The following THEMIS variants were observed in gnomAD, a reference collection of about 807,000 sequenced individuals.
THEMIS encodes the protein protein THEMIS.
In THEMIS, 37 loss-of-function variants were observed where a neutral mutation model predicts 52.6. The observed-to-expected ratio is 0.70, with a 90% CI of 0.54 to 0.93. The LOEUF (loss-of-function observed/expected upper bound fraction) is 0.93, where lower values mean the gene tolerates loss of function less well. Ranked by LOEUF, THEMIS falls within the 40% of genes least tolerant of loss-of-function variation. The pLI, the probability that THEMIS is intolerant of heterozygous loss-of-function variation, is 0.00. For missense variants in THEMIS, 808 were observed against 763.1 expected, an observed-to-expected ratio of 1.06 and a Z score of -0.69; for synonymous variants, 292 against 272.7, an observed-to-expected ratio of 1.07 and a Z score of -0.70.
chr6:127,911,289 G>T (rs1396603709), intron 1 of THEMIS, among the ~76,000 whole-genome samples: 1 of 151,070 alleles, frequency 6.6e-6, no homozygotes, highest in Non-Finnish European at 1.5e-5. Flanking sequence ...CTCCTTGAGG[G>T]AGGAATATCT....
chr6:127,715,655 C>T (rs1306439880), intron 5 of THEMIS, among the ~76,000 whole-genome samples: 1 of 151,896 alleles, frequency 6.6e-6, no homozygotes. Flanking sequence ...TATTCTCTAG[C>T]TTCCACCTTG....
intron 3 of THEMIS, among the ~76,000 whole-genome samples, chr6:127,820,998 C>T (rs1377262077): frequency 6.6e-6 from 1 of 151,836 alleles, no homozygotes; most frequent in Non-Finnish European, 1.5e-5. Context: ...GACACCAACA[C>T]TTATAGTGTT....
Position 127,813,145 on chromosome 6 carries a change from G to T in THEMIS, c.1496C>A (p.Thr499Lys), listed in dbSNP as rs1777978403. 6.2e-7 allele frequency: 1 copy of T among 1,614,056 alleles called. No individual in the cohort carries two copies. The highest frequency in any genetic ancestry group is 1.3e-5 in the African/African-American group (1 of 74,986). ...YLLISDFANP[T>K]ECWEIPVGRL... is the part of the protein sequence containing the mutation. Reference sequence around the variant, plus strand: ...GCCCACAGGAATTTCCCAGCACTCCGTGGGGTTGGCAAAGTCACTTATGAG... The same window carrying T: ...GCCCACAGGAATTTCCCAGCACTCCTTGGGGTTGGCAAAGTCACTTATGAG... Residue 499 changes from threonine (T) to lysine (K), a missense_variant, in exon 4 of 6, where the codon ACG becomes AAG. Physicochemically the swap from Thr to Lys is moderately conservative, Grantham distance 78 (BLOSUM62 -1). Transcript: ENST00000368248.
At chr6:127,703,959 A>G (rs1204163593), downstream of THEMIS, among the ~76,000 whole-genome samples, 2 of 152,184 alleles carry the variant, frequency 1.3e-5, no homozygotes, top group Admixed American at 1.3e-4. Flanking sequence ...TGTTTCAAAG[A>G]TGGCACCTCT....
At chr6:127,814,744 C>T (rs543865292) in intron 3 of THEMIS, among the ~76,000 whole-genome samples, 130 of 152,290 alleles carry the variant, frequency 8.5e-4, no homozygotes, top group African/African-American at 3.0e-3. Flanking sequence ...CAATCATCCA[C>T]TGTCTCACGA....
intron 5 of THEMIS, among the ~76,000 whole-genome samples, chr6:127,716,378 C>G (rs534812742): frequency 6.6e-6 from 1 of 151,990 alleles, no homozygotes; most frequent in African/African-American, 2.4e-5. Flanking sequence ...TAATCATCCT[C>G]TTGTACCAAA....
At chr6:127,805,962 AT>A (rs530195408) in intron 4 of THEMIS, among the ~76,000 whole-genome samples, 55 of 148,172 alleles carry the variant, frequency 3.7e-4, no homozygotes, top group South Asian at 6.4e-4. Flanking sequence ...TGCTCTTTTG[AT>A]TTTTTTTTTT....
upstream of THEMIS, among the ~76,000 whole-genome samples, chr6:127,904,627 G>T (rs1296496448): frequency 6.6e-6 from 1 of 152,026 alleles, no homozygotes; most frequent in East Asian, 1.9e-4. Context: ...AGTATGAAAT[G>T]AATGGGAATG....
At chr6:127,722,637 G>A (rs1717358588) in intron 4 of THEMIS, among the ~76,000 whole-genome samples, 1 of 151,886 alleles carries the variant, frequency 6.6e-6, no homozygotes, top group South Asian at 2.1e-4. Flanking sequence ...GATACTGCCT[G>A]CTTATTCTTC....
intron 4 of THEMIS, among the ~76,000 whole-genome samples, chr6:127,741,768 C>G (rs1030885583): frequency 6.6e-6 from 1 of 152,134 alleles, no homozygotes; most frequent in Non-Finnish European, 1.5e-5. Context: ...AATAATGGGT[C>G]AAGGTTACAT....
chr6:127,754,221 A>C (rs1373021456), intron 4 of THEMIS, among the ~76,000 whole-genome samples: 1 of 152,194 alleles, frequency 6.6e-6, no homozygotes, highest in Non-Finnish European at 1.5e-5. Flanking sequence ...GGGCTTTTGG[A>C]GACTTTTTCT....
intron 5 of THEMIS, among the ~76,000 whole-genome samples, chr6:127,715,421 T>C (rs1029620664): frequency 9.2e-5 from 14 of 151,930 alleles, no homozygotes; most frequent in Non-Finnish European, 1.9e-4. Flanking sequence ...TGTTTCTTCA[T>C]TAAAATTAAG....
At chr6:127,789,890 G>A (rs1304796514) in intron 4 of THEMIS, among the ~76,000 whole-genome samples, 2 of 152,078 alleles carry the variant, frequency 1.3e-5, no homozygotes, top group African/African-American at 4.8e-5. Flanking sequence ...AATAATAAGA[G>A]CCATTTATGA....
intron 4 of THEMIS, among the ~76,000 whole-genome samples, chr6:127,756,446 G>C (rs911537678): frequency 3.9e-5 from 6 of 152,150 alleles, no homozygotes; most frequent in Middle Eastern, 3.4e-3. Context: ...ACTTTTGATA[G>C]GATAATAATA....
chr6:127,888,758 G>T (rs1187810998), intron 1 of THEMIS, among the ~76,000 whole-genome samples: 1 of 151,998 alleles, frequency 6.6e-6, no homozygotes, highest in East Asian at 1.9e-4. Flanking sequence ...GTCAACAGGG[G>T]TAAATGGTAA....
Position 127,708,356 on chromosome 6 carries a change from T to A in THEMIS, c.*1629A>T, listed in dbSNP as rs1773860324. The A allele has an allele frequency of 6.6e-6, 1 of 152,164 alleles. No individual in the cohort carries two copies. The highest frequency in any genetic ancestry group is 6.6e-5 in the Admixed American group (1 of 15,256). The allele number at this position is 152,164 out of a possible 1,614,324, so 9.4% of individuals were successfully genotyped here. On this transcript the variant is annotated 3_prime_UTR_variant, in exon 6 of 6. Coordinates refer to ENST00000368248, the MANE Select transcript of THEMIS (RefSeq NM_001010923.3). The stretch of plus-strand genomic sequence containing the variant: ...ATGATTTCTATTAGAAAGCCCTTGA[T>A]AATTTACAACCAAAGTAAGATATGC...
At chr6:127,888,505 T>A (rs1780710968) in intron 1 of THEMIS, among the ~76,000 whole-genome samples, 1 of 152,092 alleles carries the variant, frequency 6.6e-6, no homozygotes, top group Non-Finnish European at 1.5e-5. Flanking sequence ...TTCTTGAAAG[T>A]TAATTCATAT....
chr6:127,915,820 C>A (rs891401102), intron 1 of THEMIS, among the ~76,000 whole-genome samples: 10 of 152,074 alleles, frequency 6.6e-5, no homozygotes, highest in Admixed American at 6.6e-5. Flanking sequence ...AACCCCGTCT[C>A]TACTAAAAAT....
At chr6:127,902,331 A>T (rs925304897), upstream of THEMIS, among the ~76,000 whole-genome samples, 4 of 149,470 alleles carry the variant, frequency 2.7e-5, no homozygotes, top group East Asian at 5.8e-4. Context: ...TCTCAAAAAA[A>T]AAAAAAAAAA....
Sources: allele counts gnomAD v4.1 joint callset (sites outside exome capture counted in the v4.1 genomes callset), GRCh38; gene constraint gnomAD v4.1.1; transcripts MANE v1.5; gene names NCBI Gene and HGNC (gene_info 2026-07-23, HGNC 2026-07-21).